Variants in RFC1 observed in about 807,000 individuals in gnomAD.
RFC1 encodes A1 140 kDa subunit.
In RFC1, 37 loss-of-function variants were observed where a neutral mutation model predicts 137.4. The observed-to-expected ratio is 0.27, with a 90% CI of 0.21 to 0.35. RFC1 has a LOEUF of 0.35. Among genes scored for constraint, RFC1 ranks in the 10% least tolerant of loss-of-function variants. RFC1 has a pLI of 1.00. For synonymous variants in RFC1, 429 were observed against 455.7 expected (o/e 0.94, Z 0.75); for missense variants, 1,205 against 1,358.5 (o/e 0.89, Z 1.78).
At chr4:39,351,041 G>C (rs538740467) in intron 2 of RFC1, among the ~76,000 whole-genome samples, 4 of 151,894 alleles carry the variant, frequency 2.6e-5, no homozygotes, top group Non-Finnish European at 4.4e-5. Flanking sequence ...ACGAGGTCAG[G>C]AGATCGAGAC....
In RFC1 at chr4:39,348,475, A is replaced by G. The variant is rs867109567; in HGVS notation, c.132+2873T>C. On this transcript the variant is annotated intron_variant, in intron 2 of 24. Transcript: ENST00000349703. ...AAAAGAAAAGAAAAGAAAAGAAAAGAAAAGAAAAAGCATGTTCTAAAGAGA... is the reference window on the plus strand; with the variant it reads ...AAAAGAAAAGAAAAGAAAAGAAAAGGAAAGAAAAAGCATGTTCTAAAGAGA... 3.5e-4 allele frequency among the ~76,000 whole-genome samples: 43 copies of G among 124,422 alleles called. 1 individual carries two copies. The highest frequency in any genetic ancestry group is 4.6e-3 in the Middle Eastern group (1 of 216). The allele number at this position is 124,422 out of a possible 152,430, so 81.6% of individuals were successfully genotyped here. A position where few individuals can be genotyped will look rare whatever the true frequency, so the allele number is the denominator to read the frequency against.
chr4:39,293,052 C>A (rs991205964), intron 22 of RFC1, among the ~76,000 whole-genome samples: 11 of 152,150 alleles, frequency 7.2e-5, no homozygotes, highest in Admixed American at 5.9e-4. Context: ...CTTCAAGGAA[C>A]TGAATGTGTG....
At position 39,304,264 on chromosome 4, in the gene RFC1, C is replaced by T. The variant is rs142391464; in HGVS notation, c.2110+550G>A. ...GAGGACCACTAGCTACAACCTGAAA[C>T]ACAGTGGGCATTTGCACACTGTCTT... On this transcript the variant is annotated intron_variant, in intron 15 of 24. Transcript: ENST00000349703. Among the ~76,000 whole-genome samples, 21 of 152,294 alleles carry T rather than the reference C, an allele frequency of 1.4e-4. No homozygotes were observed. The East Asian group carries it at 4.0e-3, about 29-fold the overall frequency.
chr4:39,309,663 G>A (rs192554161), intron 12 of RFC1, among the ~76,000 whole-genome samples: 15 of 152,324 alleles, frequency 9.8e-5, no homozygotes, highest in Middle Eastern at 3.4e-3. Context: ...TGAGTGCCAC[G>A]GGGTGGATAG....
intron 12 of RFC1, among the ~76,000 whole-genome samples, chr4:39,309,345 CTAAT>C (rs747329023): frequency 6.6e-5 from 10 of 152,144 alleles, no homozygotes; most frequent in Non-Finnish European, 1.5e-4. Context: ...TCAAAGTTTC[CTAAT>C]TAAAAGTTAA....
rs568092665 is a variant in RFC1 at position 39,294,442 on chromosome 4, AG to A, written c.2954+1171del. Among the ~76,000 whole-genome samples the A allele has an allele frequency of 9.3e-5, 14 of 151,342 alleles. No individual in the cohort carries two copies. The East Asian group carries it at 2.6e-3, about 28-fold the overall frequency. ...ATCCCAGCACTTTCGGAGGCCAAGG[AG>A]GGTGGACCACCTGAGGTCAGGAGTT... On this transcript the variant is annotated intron_variant, in intron 22 of 24. Transcript: ENST00000349703.
intron 23 of RFC1, among the ~76,000 whole-genome samples, chr4:39,290,414 G>C (rs895992405): frequency 2.0e-5 from 3 of 151,280 alleles, no homozygotes; most frequent in Admixed American, 6.6e-5. Flanking sequence ...GGAACTTTAG[G>C]CAAACAAACA....
intron 16 of RFC1, 50 bp downstream of exon 16, chr4:39,303,010 C>T (rs1219040142): frequency 4.0e-6 from 6 of 1,514,500 alleles, no homozygotes; most frequent in Non-Finnish European, 5.5e-6. Flanking sequence ...AATGTTCTAA[C>T]AATCTAAATT....
intron 19 of RFC1, among the ~76,000 whole-genome samples, chr4:39,301,021 A>G (rs957172050): frequency 6.6e-6 from 1 of 151,712 alleles, no homozygotes; most frequent in African/African-American, 2.4e-5. Context: ...TGAACCCGGG[A>G]GGCAGAGGCT....
At chr4:39,331,005 G>C (rs536411100) in intron 4 of RFC1, among the ~76,000 whole-genome samples, 5 of 152,150 alleles carry the variant, frequency 3.3e-5, no homozygotes, top group African/African-American at 9.6e-5. Flanking sequence ...AAAAGGCTAG[G>C]TAACATCACC....
At position 39,288,641 on chromosome 4, in the gene RFC1, A is replaced by T. The variant is rs576147454; in HGVS notation, c.*120T>A. The T allele has an allele frequency of 4.2e-5, 29 of 685,120 alleles. 1 individual carries two copies. The South Asian group carries it at 5.2e-4, about 12-fold the overall frequency. 42.4% of individuals were successfully genotyped at this position (685,120 alleles called of 1,614,324 possible). On this transcript the variant is annotated 3_prime_UTR_variant, in exon 25 of 25. Coordinates refer to ENST00000349703, the MANE Select transcript of RFC1 (RefSeq NM_002913.5). ...TACCACCCTTTATTTATAATGGGAC[A>T]CCAGGTCATCCCATTATGCTAAAAC...
chr4:39,296,900 C>G (rs1738043367), intron 21 of RFC1, among the ~76,000 whole-genome samples: 1 of 151,244 alleles, frequency 6.6e-6, no homozygotes, highest in African/African-American at 2.4e-5. Context: ...TTCTCCACAT[C>G]CTCTCCAGCA....
At chr4:39,358,607 C>T (rs564852816) in intron 1 of RFC1, among the ~76,000 whole-genome samples, 1 of 152,286 alleles carries the variant, frequency 6.6e-6, no homozygotes, top group African/African-American at 2.4e-5. Context: ...ACACCTGCAA[C>T]AAGTTGCTCA....
In RFC1 at chr4:39,302,261, A is replaced by G. The variant is rs1302710989; in HGVS notation, c.2535+17T>C. On this transcript the variant is annotated intron_variant, in intron 19 of 24. Coordinates refer to ENST00000349703, the MANE Select transcript of RFC1 (RefSeq NM_002913.5). The stretch of plus-strand genomic sequence containing the variant: ...TTTGGCTTAGGAAAGTAACTAAGAC[A>G]TGGACATTTATTTTACCATTTTGAT... 1 of 1,522,862 alleles carries G rather than the reference A, an allele frequency of 6.6e-7. No homozygotes were observed. Among genetic ancestry groups the G allele is most frequent in the African/African-American group, 1.4e-5 (1 of 73,332 alleles). 94.3% of individuals were successfully genotyped at this position (1,522,862 alleles called of 1,614,324 possible). A position where few individuals can be genotyped will look rare whatever the true frequency, so the allele number is the denominator to read the frequency against.
chr4:39,291,825 G>C lies in RFC1; in HGVS notation c.2982C>G (p.Asn994Lys). The C allele has an allele frequency of 1.2e-6, 2 of 1,614,086 alleles. No individual in the cohort carries two copies. The highest frequency in any genetic ancestry group is 2.2e-5 in the South Asian group (2 of 91,078). The change falls in exon 23 of 25, where the codon AAC becomes AAG. Residue 994 changes from asparagine to lysine, a missense_variant. Physicochemically the swap from Asn to Lys is moderately conservative, Grantham distance 94. Around this residue, in one of 3 missense-constraint regions of RFC1, gnomAD observed 237 missense variants for 304.2 expected, o/e 0.78. Coordinates refer to ENST00000349703, the MANE Select transcript of RFC1 (RefSeq NM_002913.5). ...LRTYSSKRTV[N>K]MDYLSLLRDA... is the part of the protein sequence containing the mutation. ...CCCTTAGAAGCGACAGATAATCCAT[G>C]TTTACAGTCCTTTTGCTGGAGTAAG... is the stretch of plus-strand genomic sequence containing the variant.
At chr4:39,355,098 T>TACAC (rs59438877) in intron 1 of RFC1, among the ~76,000 whole-genome samples, 4,842 of 88,888 alleles carry the variant, frequency 0.054, 252 homozygotes, top group East Asian at 0.095. Context: ...AAAAAAAAAA[T>TACAC]ACACACACAC....
intron 1 of RFC1, among the ~76,000 whole-genome samples, chr4:39,361,128 C>T (rs1236173211): frequency 1.3e-5 from 2 of 152,178 alleles, no homozygotes; most frequent in Non-Finnish European, 2.9e-5. Context: ...ATGGCTCACG[C>T]CTGTAATCCC....
At chr4:39,323,474 A>G (rs188908297) in intron 6 of RFC1, 57 bp from the exon 7 acceptor site, 1 of 1,382,886 alleles carries the variant, frequency 7.2e-7, no homozygotes, top group African/African-American at 1.4e-5. Context: ...CGTAAATAGA[A>G]TTTTTAAATG....
At chr4:39,354,533 A>C (rs1741361728) in intron 1 of RFC1, among the ~76,000 whole-genome samples, 1 of 152,172 alleles carries the variant, frequency 6.6e-6, no homozygotes, top group African/African-American at 2.4e-5. Flanking sequence ...TGGCAAGTAG[A>C]AGTCCCTCAA....
Sources: allele counts gnomAD v4.1 joint callset (sites outside exome capture counted in the v4.1 genomes callset), GRCh38; gene constraint gnomAD v4.1.1; regional missense constraint gnomAD v4.1.1; transcripts MANE v1.5; gene names NCBI Gene and HGNC (gene_info 2026-07-23, HGNC 2026-07-21).